The following CYP11B1 variants were observed in gnomAD, a reference collection of about 807,000 sequenced individuals.
CYP11B1 encodes cytochrome P450 family 11 subfamily B member 1, also known as cytochrome P450 11B1, mitochondrial.
A neutral mutation model predicts 48.3 loss-of-function variants in CYP11B1; 34 were observed. That is an observed-to-expected ratio of 0.70 (90% CI 0.54 to 0.94). The LOEUF is 0.94. CYP11B1 is among the 40% of genes least tolerant of loss of function. CYP11B1 has a pLI of 0.00. For missense variants in CYP11B1, 688 were observed against 657.4 expected (o/e 1.05, Z -0.51); for synonymous variants, 291 against 262.5 (o/e 1.11, Z -1.05).
At position 142,875,071 on chromosome 8, in the gene CYP11B1, C is replaced by T; in HGVS notation, c.1284G>A (p.Trp428Ter). 6.2e-7 allele frequency: 1 copy of T among 1,614,246 alleles called. No homozygotes were observed. Among genetic ancestry groups the T allele is most frequent in the Non-Finnish European group, 8.5e-7 (1 of 1,180,048 alleles). Residue 428 changes from tryptophan (W) to a stop codon, truncating the protein, a stop_gained, in exon 8 of 9, where the codon TGG (tryptophan) becomes TGA (stop). Transcript: ENST00000292427. LOFTEE classifies it high-confidence loss of function. ...TCCTGCCGGAGCCCCTGATGTCTAG[C>T]CAGCGCTGGGGGTTATAGCGCTCAG... ...PRPERYNPQR[W>*]LDIRGSGRNF... is the part of the protein sequence containing the mutation.
chr8:142,876,395 C>G lies in CYP11B1; in HGVS notation c.800G>C (p.Gly267Ala). 1.2e-6 allele frequency: 2 copies of G among 1,613,422 alleles called. No individual in the cohort carries two copies. The highest frequency in any genetic ancestry group is 2.2e-5 in the South Asian group (2 of 90,862). ...FEAWDCIFQY[G>A]DNCIQKIYQE... ...ATAGATTTTCTGGATACAGTTGTCG[C>G]CTATCCGGGGAGCGGGAGGCAGCCC... Residue 267 changes from glycine (G) to alanine (A), a missense_variant and splice_region_variant, in exon 5 of 9, where the codon GGC becomes GCC. Gly to Ala is a moderately conservative substitution (Grantham distance 60). Transcript: ENST00000292427.
Position 142,875,392 on chromosome 8 carries a change from A to C in CYP11B1, c.1122-80T>G, listed in dbSNP as rs6395. 835,171 of 1,426,576 alleles carry C rather than the reference A, an allele frequency of 0.59. 249,772 individuals are homozygous for C. Among genetic ancestry groups the C allele is most frequent in the East Asian group, 0.84 (32,809 of 39,284 alleles). 88.4% of individuals were successfully genotyped at this position (1,426,576 alleles called of 1,614,324 possible). A position where few individuals can be genotyped will look rare whatever the true frequency, so the allele number is the denominator to read the frequency against. Reference sequence around the variant, plus strand: ...CTCTCTGCACCCTTCCTACCGAAGAACCCGCAGAGGTCCCAGATCCATGGG... The same window carrying C: ...CTCTCTGCACCCTTCCTACCGAAGACCCCGCAGAGGTCCCAGATCCATGGG... On this transcript the variant is annotated intron_variant, in intron 6 of 8. Transcript: ENST00000292427.
At position 142,877,880 on chromosome 8, in the gene CYP11B1, C is replaced by G. The variant is rs545132363; in HGVS notation, c.396-658G>C. 9.1e-5 allele frequency: 137 copies of G among 1,500,704 alleles called. No individual in the cohort carries two copies. The African/African-American group carries it at 1.6e-3, about 17-fold the overall frequency. 93.0% of individuals were successfully genotyped at this position (1,500,704 alleles called of 1,614,324 possible). On this transcript the variant is annotated intron_variant, in intron 2 of 8. Transcript: ENST00000292427. ...TTTATGTCCAGCTGGCTGTTGTGAGCTGTTGACAGTGATGGCAGGCAGAAG... is the reference window on the plus strand; with the variant it reads ...TTTATGTCCAGCTGGCTGTTGTGAGGTGTTGACAGTGATGGCAGGCAGAAG...
In CYP11B1 at chr8:142,873,738, A is replaced by T. The variant is rs1586555928; in HGVS notation, c.*635T>A. Reference sequence around the variant, plus strand: ...ATGAGGCCTGGGGCATGAGGCTGACACGATCAGCTGGGGAACACACGTCCC... The same window carrying T: ...ATGAGGCCTGGGGCATGAGGCTGACTCGATCAGCTGGGGAACACACGTCCC... On this transcript the variant is annotated 3_prime_UTR_variant, in exon 9 of 9. Transcript: ENST00000292427. The T allele has an allele frequency of 6.2e-6, 1 of 161,406 alleles. No individual in the cohort carries two copies. The highest frequency in any genetic ancestry group is 2.4e-5 in the African/African-American group (1 of 41,544). The allele number at this position is 161,406 out of a possible 1,614,324, so 10.0% of individuals were successfully genotyped here.
In CYP11B1 at chr8:142,879,066, G is replaced by T; in HGVS notation, c.361C>A (p.Gln121Lys). ...MSLEPWVAYRQHRGHKCGVFL... is the reference protein window; with the variant it reads ...MSLEPWVAYRKHRGHKCGVFL... ...ACGCCACATTTGTGCCCACGATGTTGTCTGTAGGCCACCCAGGGCTCCAGG... is the reference window on the plus strand; with the variant it reads ...ACGCCACATTTGTGCCCACGATGTTTTCTGTAGGCCACCCAGGGCTCCAGG... Residue 121 changes from glutamine (Q) to lysine (K), a missense_variant, in exon 2 of 9, where the codon CAA (glutamine) becomes AAA (lysine). Transcript: ENST00000292427. The T allele has an allele frequency of 1.2e-6, 2 of 1,614,200 alleles. No individual in the cohort carries two copies. The highest frequency in any genetic ancestry group is 1.7e-6 in the Non-Finnish European group (2 of 1,180,038).
rs778556211 is a variant in CYP11B1, at chr8:142,877,168, C to T, written c.450G>A (p.Ser150=). Residue 150 remains serine (S), a synonymous_variant, in exon 3 of 9, where the codon TCG becomes TCA. Coordinates refer to ENST00000292427, the MANE Select transcript of CYP11B1 (RefSeq NM_000497.4). ...NRLRLNPEVL[S]PNAVQRFLPM... is the part of the protein sequence containing the mutation. Reference sequence around the variant, plus strand: ...GGAGGAACCTCTGCACAGCGTTGGGCGACAGCACTTCTGGATTCAGCCGCA... The same window carrying T: ...GGAGGAACCTCTGCACAGCGTTGGGTGACAGCACTTCTGGATTCAGCCGCA... The T allele has an allele frequency of 3.4e-5, 55 of 1,614,072 alleles. No individual in the cohort carries two copies. In the East Asian group the frequency reaches 6.2e-4, roughly 18 times the overall value.
At position 142,879,201 on chromosome 8, in the gene CYP11B1, C is replaced by T; in HGVS notation, c.240-14G>A. ...CCCAAGTCGTACCTGTGGGGCCAAG[C>T]ACGAGGCCGTGCTGGATGGGACCAT... On this transcript the variant is annotated splice_polypyrimidine_tract_variant and intron_variant, in intron 1 of 8. Transcript: ENST00000292427. 1 of 1,613,998 alleles carries T rather than the reference C, an allele frequency of 6.2e-7. No individual in the cohort carries two copies. The highest frequency in any genetic ancestry group is 8.5e-7 in the Non-Finnish European group (1 of 1,180,004).
chr8:142,874,041 C>T lies in CYP11B1; in HGVS notation c.*332G>A, dbSNP rs1445387552. The T allele has an allele frequency of 2.4e-6, 1 of 417,868 alleles. No homozygotes were observed. Among genetic ancestry groups the T allele is most frequent in the South Asian group, 2.2e-5 (1 of 44,890 alleles). The allele number at this position is 417,868 out of a possible 1,614,324, so 25.9% of individuals were successfully genotyped here. On this transcript the variant is annotated 3_prime_UTR_variant, in exon 9 of 9. Transcript: ENST00000292427. ...CTAGGCAGGAAGGCAAGGGACAAAA[C>T]CACAGCACCCTTGTATGGCCACACG... is the stretch of plus-strand genomic sequence containing the variant.
rs769081498 is a variant in CYP11B1 at position 142,876,391 on chromosome 8, G to A, written c.804C>T (p.Asp268=). The change falls in exon 5 of 9, where the codon GAC becomes GAT. Residue 268 remains aspartate, a synonymous_variant. Coordinates refer to ENST00000292427, the MANE Select transcript of CYP11B1 (RefSeq NM_000497.4). ...CCTGATAGATTTTCTGGATACAGTT[G>A]TCGCCTATCCGGGGAGCGGGAGGCA... ...EAWDCIFQYG[D]NCIQKIYQEL... 3.1e-6 allele frequency: 5 copies of A among 1,613,636 alleles called. No individual in the cohort carries two copies. Among genetic ancestry groups the A allele is most frequent in the Non-Finnish European group, 4.2e-6 (5 of 1,179,760 alleles).
At chr8:142,877,950 G>A (rs1202360695) in intron 2 of CYP11B1, 2 of 779,640 alleles carry the variant, frequency 2.6e-6, no homozygotes, top group Non-Finnish European at 4.1e-6. Context: ...AACACCATGT[G>A]TGAAGAGACA....
chr8:142,874,335 C>A lies in CYP11B1; in HGVS notation c.*38G>T. On this transcript the variant is annotated 3_prime_UTR_variant, in exon 9 of 9. Coordinates refer to ENST00000292427, the MANE Select transcript of CYP11B1 (RefSeq NM_000497.4). The stretch of plus-strand genomic sequence containing the variant: ...GCCTGGGGTCAGGCAGAAAGGGAGG[C>A]TGGTGGCCAGGCTGGGACCCTGGGT... The A allele has an allele frequency of 2.1e-6, 3 of 1,450,194 alleles. No individual in the cohort carries two copies. Among genetic ancestry groups the A allele is most frequent in the Non-Finnish European group, 2.9e-6 (3 of 1,030,472 alleles). 89.8% of individuals were successfully genotyped at this position (1,450,194 alleles called of 1,614,324 possible).
intron 2 of CYP11B1, among the ~76,000 whole-genome samples, chr8:142,878,198 C>G (rs1192739670): frequency 1.3e-5 from 2 of 152,208 alleles, no homozygotes; most frequent in African/African-American, 4.8e-5. Flanking sequence ...GCCTTCTGGA[C>G]TTGCCTTCCT....
intron 2 of CYP11B1, among the ~76,000 whole-genome samples, chr8:142,878,667 C>T (rs1817040752): frequency 6.6e-6 from 1 of 152,216 alleles, no homozygotes; most frequent in Non-Finnish European, 1.5e-5. Context: ...AGCCTGTGAC[C>T]TGGGCCAGTG....
chr8:142,877,956 A>G (rs1817012349), intron 2 of CYP11B1: 3 of 743,012 alleles, frequency 4.0e-6, no homozygotes, highest in Non-Finnish European at 6.6e-6. Context: ...ATGTGTGAAG[A>G]GACACATGTA....
chr8:142,872,603 T>A lies in CYP11B1; in HGVS notation c.*1770A>T, dbSNP rs369448045. The A allele has an allele frequency of 4.6e-5, 7 of 152,366 alleles. No homozygotes were observed. The South Asian group carries it at 1.2e-3, about 27-fold the overall frequency. The allele number at this position is 152,366 out of a possible 1,614,324, so 9.4% of individuals were successfully genotyped here. On this transcript the variant is annotated 3_prime_UTR_variant, in exon 9 of 9. Transcript: ENST00000292427. ...ATGTTTGACTCAGATAACATTTAAA[T>A]CACACTTTGGACTACAATTTTAAAG...
rs898377699 is a variant in CYP11B1 at position 142,873,949 on chromosome 8, C to T, written c.*424G>A. On this transcript the variant is annotated 3_prime_UTR_variant, in exon 9 of 9. Coordinates refer to ENST00000292427, the MANE Select transcript of CYP11B1 (RefSeq NM_000497.4). ...ACTGGACTCTGAGATGCTGGGATCC[C>T]GCTTAATGACTCTGACAGTCTGCGC... The T allele has an allele frequency of 4.3e-5, 12 of 277,964 alleles. No homozygotes were observed. The highest frequency in any genetic ancestry group is 1.3e-4 in the African/African-American group (6 of 46,236). 17.2% of individuals were successfully genotyped at this position (277,964 alleles called of 1,614,324 possible).
Position 142,874,458 on chromosome 8 carries a change from A to G in CYP11B1, c.1427T>C (p.Leu476Pro). Residue 476 changes from leucine (L) to proline (P), a missense_variant, in exon 9 of 9, where the codon CTA (leucine) becomes CCA (proline). Physicochemically the swap from Leu to Pro is moderately conservative, Grantham distance 98 (BLOSUM62 -3). Transcript: ENST00000292427. Reference sequence around the variant, plus strand: ...GACCATCTTTATGTCCTCTTGGGTTAGTGTCTCCACCTGGAGGTGTTTCAG... The same window carrying G: ...GACCATCTTTATGTCCTCTTGGGTTGGTGTCTCCACCTGGAGGTGTTTCAG... Reference protein sequence around the residue: ...HVLKHLQVETLTQEDIKMVYS... With the variant: ...HVLKHLQVETPTQEDIKMVYS... 2 of 1,613,888 alleles carry G rather than the reference A, an allele frequency of 1.2e-6. No homozygotes were observed. The highest frequency in any genetic ancestry group is 8.5e-7 in the Non-Finnish European group (1 of 1,179,806).
Position 142,879,592 on chromosome 8 carries a change from T to G in CYP11B1, c.222A>C (p.Glu74Asp). Residue 74 changes from glutamate to aspartate, a missense_variant, in exon 1 of 9, where the codon GAA becomes GAC. Transcript: ENST00000292427. Reference sequence around the variant, plus strand: ...GGCTTTACCTGAAAATGGGCCCTAGTTCCTGGAAGGTCTGGTGTACTTCCA... The same window carrying G: ...GGCTTTACCTGAAAATGGGCCCTAGGTCCTGGAAGGTCTGGTGTACTTCCA... The part of the protein sequence containing the change: ...LHLEVHQTFQ[E>D]LGPIFRYDLG... 1 of 1,614,200 alleles carries G rather than the reference T, an allele frequency of 6.2e-7. No individual in the cohort carries two copies. The highest frequency in any genetic ancestry group is 2.2e-5 in the East Asian group (1 of 44,862).
chr8:142,874,755 A>C (rs571874279), intron 8 of CYP11B1, among the ~76,000 whole-genome samples: 1 of 152,148 alleles, frequency 6.6e-6, no homozygotes, highest in East Asian at 1.9e-4. Flanking sequence ...CCTCACCCAG[A>C]TGGTACGCTC....
Sources: allele counts gnomAD v4.1 joint callset (sites outside exome capture counted in the v4.1 genomes callset), GRCh38; gene constraint gnomAD v4.1.1; transcripts MANE v1.5; gene names NCBI Gene and HGNC (gene_info 2026-07-23, HGNC 2026-07-21).